Variants in NEBL observed in about 807,000 individuals in gnomAD.
NEBL encodes LIM and SH3 protein 2.
NEBL carries 122 observed loss-of-function variants against 140.2 expected under a neutral mutation model. The observed-to-expected ratio is 0.87, with a 90% CI of 0.75 to 1.01. The LOEUF (loss-of-function observed/expected upper bound fraction) is 1.01. Ranked by LOEUF, NEBL falls within the 50% of genes least tolerant of loss-of-function variation. NEBL has a pLI of 0.00. For missense variants in NEBL, 1,365 were observed against 1,231.3 expected (o/e 1.11, Z -1.62); for synonymous variants, 436 against 398.9 (o/e 1.09, Z -1.11).
At chr10:20,901,230 T>C (rs12252643), upstream of NEBL, among the ~76,000 whole-genome samples, 1,214 of 152,278 alleles carry the variant, frequency 8.0e-3, 21 homozygotes, top group African/African-American at 0.028. Flanking sequence ...TGCTTATTTA[T>C]AATTCAGAAG....
chr10:21,110,763 T>G (rs1248595661), intron 2 of NEBL: 1 of 519,682 alleles, frequency 1.9e-6, no homozygotes, highest in Non-Finnish European at 3.8e-6. Context: ...TGGATACTGA[T>G]GAAAATGAGC....
At chr10:20,834,495 G>A (rs1045212457) in intron 14 of NEBL, among the ~76,000 whole-genome samples, 7 of 152,190 alleles carry the variant, frequency 4.6e-5, no homozygotes, top group Non-Finnish European at 8.8e-5. Context: ...TCCCTGGCCA[G>A]TGCCTAACTC....
intron 24 of NEBL, among the ~76,000 whole-genome samples, chr10:20,810,751 A>G (rs1287987739): frequency 1.3e-5 from 2 of 152,256 alleles, no homozygotes; most frequent in Non-Finnish European, 2.9e-5. Flanking sequence ...AGTTATAGAC[A>G]TACGGCAGAA....
rs1564497116 is a variant in NEBL at position 21,061,321 on chromosome 10, A to ATTACATATTATGTGATATGTAACATG, written c.165-41121_165-41120insCATGTTACATATCACATAATATGTAA. Among the ~76,000 whole-genome samples the ATTACATATTATGTGATATGTAACATG allele has an allele frequency of 4.0e-4, 51 of 127,484 alleles. 2 individuals carry two copies. The highest frequency in any genetic ancestry group is 4.6e-3 in the Middle Eastern group (1 of 216). 83.6% of individuals were successfully genotyped at this position (127,484 alleles called of 152,430 possible). On this transcript the variant is annotated intron_variant, in intron 2 of 6. Coordinates refer to the NEBL transcript ENST00000417816. ...TTACATATTATGTGATATGTAATAT[A>ATTACATATTATGTGATATGTAACATG]TTACATATTATGTGATATGTAATAT...
intron 2 of NEBL, among the ~76,000 whole-genome samples, chr10:21,131,419 C>G (rs1050491022): frequency 6.6e-6 from 1 of 152,142 alleles, no homozygotes; most frequent in Non-Finnish European, 1.5e-5. Flanking sequence ...AATGCCAAAA[C>G]CAGACCGAAA....
chr10:20,821,523 T>C (rs1839312960), intron 19 of NEBL, among the ~76,000 whole-genome samples: 2 of 152,232 alleles, frequency 1.3e-5, no homozygotes, highest in Non-Finnish European at 2.9e-5. Flanking sequence ...TACAATGTTA[T>C]ACTTTTTCAT....
chr10:21,079,701 G>A (rs1186115377), intron 2 of NEBL, among the ~76,000 whole-genome samples: 2 of 152,330 alleles, frequency 1.3e-5, no homozygotes, highest in Middle Eastern at 3.4e-3. Flanking sequence ...CACAGATTGA[G>A]CTGCATATTC....
intron 6 of NEBL, 25 bp from the exon 7 acceptor site, chr10:20,868,790 T>G (rs778081859): frequency 2.7e-6 from 4 of 1,509,140 alleles, no homozygotes; most frequent in Admixed American, 3.3e-5. Context: ...TAAGACAATG[T>G]TAAATATTTC....
chr10:20,993,495 T>G (rs1413905732), intron 3 of NEBL, among the ~76,000 whole-genome samples: 1 of 152,228 alleles, frequency 6.6e-6, no homozygotes, highest in African/African-American at 2.4e-5. Context: ...TCACGCGTCT[T>G]GCTCATGAGT....
chr10:20,993,034 C>T (rs1012984389), intron 3 of NEBL, among the ~76,000 whole-genome samples: 1 of 152,002 alleles, frequency 6.6e-6, no homozygotes, highest in South Asian at 2.1e-4. Flanking sequence ...CTGCCCGCCT[C>T]GGCCTCCCAA....
intron 2 of NEBL, among the ~76,000 whole-genome samples, chr10:21,046,021 A>C (rs1834498391): frequency 6.6e-6 from 1 of 151,754 alleles, no homozygotes; most frequent in African/African-American, 2.4e-5. Context: ...ACACACACAC[A>C]CACGTGTGTG....
At chr10:21,058,099 C>T (rs116937144) in intron 2 of NEBL, among the ~76,000 whole-genome samples, 1 of 152,184 alleles carries the variant, frequency 6.6e-6, no homozygotes. Context: ...AATGATACTA[C>T]TAACAGCTAC....
chr10:21,108,593 A>G (rs989133736), intron 2 of NEBL, among the ~76,000 whole-genome samples: 2 of 152,124 alleles, frequency 1.3e-5, no homozygotes, highest in South Asian at 4.1e-4. Context: ...TATGTGGTCA[A>G]TTTTAGAATA....
chr10:20,944,583 A>T (rs554266974), intron 4 of NEBL, among the ~76,000 whole-genome samples: 1 of 152,322 alleles, frequency 6.6e-6, no homozygotes, highest in Admixed American at 6.5e-5. Context: ...CTAAAGGCAT[A>T]CATATTTATA....
At chr10:20,965,361 G>A (rs972697485) in intron 3 of NEBL, among the ~76,000 whole-genome samples, 1 of 152,222 alleles carries the variant, frequency 6.6e-6, no homozygotes, top group African/African-American at 2.4e-5. Flanking sequence ...TTCTAGACAG[G>A]GTGGTCAGGG....
At chr10:21,040,720 A>C (rs1834233729) in intron 2 of NEBL, among the ~76,000 whole-genome samples, 1 of 151,884 alleles carries the variant, frequency 6.6e-6, no homozygotes, top group Admixed American at 6.6e-5. Context: ...CCCAAATCTC[A>C]TGTCAAATTG....
At chr10:21,029,000 T>C in intron 2 of NEBL, 1 of 641,616 alleles carries the variant, frequency 1.6e-6, no homozygotes, top group Non-Finnish European at 2.7e-6. Flanking sequence ...GCTCCCAACA[T>C]GGCGGCCTCA....
intron 2 of NEBL, among the ~76,000 whole-genome samples, chr10:21,168,898 A>T (rs1479816560): frequency 6.7e-6 from 1 of 149,804 alleles, no homozygotes; most frequent in Admixed American, 6.7e-5. Flanking sequence ...AAATACAAAA[A>T]ATTAGCCGGG....
At chr10:21,119,699 A>G (rs1838442626) in intron 2 of NEBL, among the ~76,000 whole-genome samples, 1 of 152,054 alleles carries the variant, frequency 6.6e-6, no homozygotes, top group Admixed American at 6.6e-5. Context: ...ATTCTCTTAT[A>G]TATGCATAAT....
Sources: allele counts gnomAD v4.1 joint callset (sites outside exome capture counted in the v4.1 genomes callset), GRCh38; gene constraint gnomAD v4.1.1; transcripts MANE v1.5; gene names NCBI Gene and HGNC (gene_info 2026-07-23, HGNC 2026-07-21).